Variants in PADI1 observed in about 807,000 individuals in gnomAD.
PADI1 encodes protein-arginine deiminase type-1.
PADI1 carries 65 observed loss-of-function variants against 74.8 expected under a neutral mutation model. The observed-to-expected ratio is 0.87, with a 90% CI of 0.71 to 1.07. The LOEUF (loss-of-function observed/expected upper bound fraction) is 1.07, where lower values mean the gene tolerates loss of function less well. Among genes scored for constraint, PADI1 ranks in the 50% least tolerant of loss-of-function variants. The pLI is 0.00. For synonymous variants in PADI1, 371 were observed against 336.2 expected (o/e 1.10, Z -1.13); for missense variants, 943 against 854.0 (o/e 1.10, Z -1.30).
chr1:17,217,101 G>A (rs72646742), intron 1 of PADI1, among the ~76,000 whole-genome samples: 2,833 of 152,048 alleles, frequency 0.019, 34 homozygotes, highest in South Asian at 0.036. Context: ...AGCCAGGTGC[G>A]CTGGGGCCAG....
At chr1:17,232,663 G>A (rs1358294655) in intron 10 of PADI1, among the ~76,000 whole-genome samples, 156 bp from the exon 11 acceptor site, 2 of 152,282 alleles carry the variant, frequency 1.3e-5, no homozygotes, top group Middle Eastern at 3.4e-3. Flanking sequence ...AGAGCCCAGG[G>A]GGGATTTGTA....
rs976854459 is a variant in PADI1, at chr1:17,230,285, C to T, written c.1053+77C>T. 7 of 1,538,050 alleles carry T rather than the reference C, an allele frequency of 4.6e-6. No individual in the cohort carries two copies. The African/African-American group carries it at 9.6e-5, about 21-fold the overall frequency. ...AAGCCGCACAGGTGCCTGATGGACC[C>T]AGTGTCGCTAGAGAAGCCACGGCAG... On this transcript the variant is annotated intron_variant, in intron 9 of 15. Transcript: ENST00000375471.
chr1:17,211,950 A>G (rs1035897265), intron 1 of PADI1, among the ~76,000 whole-genome samples: 2 of 152,198 alleles, frequency 1.3e-5, no homozygotes, highest in Non-Finnish European at 2.9e-5. Context: ...AAAGCCAAGG[A>G]TGATTTGTCT....
At chr1:17,208,665 ACCC>A (rs1166861588) in intron 1 of PADI1, among the ~76,000 whole-genome samples, 1 of 133,378 alleles carries the variant, frequency 7.5e-6, no homozygotes, top group Non-Finnish European at 1.6e-5. Context: ...CACCACACTG[ACCC>A]CCACACCCCA....
chr1:17,222,061 C>A (rs1352932423), intron 1 of PADI1, among the ~76,000 whole-genome samples: 1 of 152,152 alleles, frequency 6.6e-6, no homozygotes, highest in African/African-American at 2.4e-5. Context: ...TTGGAAGTGT[C>A]AGATCTGGAA....
At chr1:17,215,513 A>G (rs1308022736) in intron 1 of PADI1, among the ~76,000 whole-genome samples, 1 of 152,074 alleles carries the variant, frequency 6.6e-6, no homozygotes, top group Non-Finnish European at 1.5e-5. Context: ...GCTTCCCTTG[A>G]AAGGGCTGTG....
chr1:17,222,480 C>A lies in PADI1; in HGVS notation c.273+10C>A. On this transcript the variant is annotated intron_variant, in intron 2 of 15. Coordinates refer to ENST00000375471, the MANE Select transcript of PADI1 (RefSeq NM_013358.3). ...ATTAAAGGACTTCAAGGTAAGAGGC[C>A]ACTTTCTCATAGAAAAGGGTTGGAT... 1 of 1,604,914 alleles carries A rather than the reference C, an allele frequency of 6.2e-7. No individual in the cohort carries two copies. Among genetic ancestry groups the A allele is most frequent in the Non-Finnish European group, 8.5e-7 (1 of 1,171,766 alleles).
intron 1 of PADI1, among the ~76,000 whole-genome samples, chr1:17,211,315 T>A (rs1004708052): frequency 1.5e-4 from 23 of 152,190 alleles, no homozygotes; most frequent in Non-Finnish European, 2.8e-4. Context: ...GTTGAAGCAA[T>A]TCCTCTCCCT....
chr1:17,225,054 A>G (rs2072269751), intron 4 of PADI1, among the ~76,000 whole-genome samples: 1 of 152,080 alleles, frequency 6.6e-6, no homozygotes, highest in African/African-American at 2.4e-5. Context: ...CATGGTGGCA[A>G]CTATGATACA....
At chr1:17,221,948 G>A (rs2072163281) in intron 1 of PADI1, among the ~76,000 whole-genome samples, 1 of 152,378 alleles carries the variant, frequency 6.6e-6, no homozygotes, top group African/African-American at 2.4e-5. Context: ...TGAGAAAGCT[G>A]CTCGGTGATC....
chr1:17,223,589 TG>T, intron 2 of PADI1, 31 bp from the exon 3 acceptor site: 1 of 1,578,050 alleles, frequency 6.3e-7, no homozygotes, highest in Non-Finnish European at 8.7e-7. Flanking sequence ...CTGAAGGTGA[TG>T]GCCGTGCAGG....
Position 17,244,016 on chromosome 1 carries a change from A to G in PADI1, c.1765A>G (p.Met589Val), listed in dbSNP as rs763183666. ...AEAFFPDMVN[M>V]VVLGKYLGIP... is the part of the protein sequence containing the mutation. ...TGCCTTTTCTCTTTTGCAGGTTAAC[A>G]TGGTGGTCTTAGGCAAGTACCTGGG... The change falls in exon 16 of 16, where the codon ATG (methionine) becomes GTG (valine). Residue 589 changes from methionine (M) to valine (V), a missense_variant. Coordinates refer to ENST00000375471, the MANE Select transcript of PADI1 (RefSeq NM_013358.3). 2 of 1,612,350 alleles carry G rather than the reference A, an allele frequency of 1.2e-6. No individual in the cohort carries two copies. Among genetic ancestry groups the G allele is most frequent in the Non-Finnish European group, 1.7e-6 (2 of 1,178,522 alleles).
chr1:17,208,178 G>C (rs2071730521), intron 1 of PADI1, among the ~76,000 whole-genome samples: 1 of 152,212 alleles, frequency 6.6e-6, no homozygotes, highest in African/African-American at 2.4e-5. Flanking sequence ...CCAGTCACCT[G>C]AGCTGCTGGG....
intron 1 of PADI1, among the ~76,000 whole-genome samples, chr1:17,207,054 G>T (rs376258148): frequency 1.3e-5 from 2 of 152,012 alleles, no homozygotes; most frequent in Non-Finnish European, 2.9e-5. Flanking sequence ...GTAGGAAAAG[G>T]GTCCCTTGCA....
At chr1:17,223,487 G>C (rs1289825243) in intron 2 of PADI1, 134 bp from the exon 3 acceptor site, 2 of 697,776 alleles carry the variant, frequency 2.9e-6, no homozygotes, top group East Asian at 2.7e-5. Context: ...TTGAGTCTTG[G>C]GACTTCAGAG....
intron 14 of PADI1, 92 bp downstream of exon 14, chr1:17,239,875 C>T (rs1171753420): frequency 5.0e-6 from 5 of 1,003,536 alleles, no homozygotes; most frequent in East Asian, 2.6e-5. Context: ...AGATTCAGCG[C>T]TGGAGCTCTC....
At chr1:17,228,271 C>T (rs1320935895) in intron 6 of PADI1, among the ~76,000 whole-genome samples, 14 of 152,194 alleles carry the variant, frequency 9.2e-5, no homozygotes, top group Non-Finnish European at 2.9e-5. Context: ...AGCCACCATA[C>T]CTGTCTGGTC....
At position 17,244,511 on chromosome 1, in the gene PADI1, G is replaced by C; in HGVS notation, c.*268G>C. The C allele has an allele frequency of 1.8e-6, 1 of 559,588 alleles. No homozygotes were observed. Among genetic ancestry groups the C allele is most frequent in the Non-Finnish European group, 3.4e-6 (1 of 293,882 alleles). 34.7% of individuals were successfully genotyped at this position (559,588 alleles called of 1,614,324 possible). A position where few individuals can be genotyped will look rare whatever the true frequency, so the allele number is the denominator to read the frequency against. The stretch of plus-strand genomic sequence containing the variant: ...CAGAGGCTCTAGATCAACAATGTTA[G>C]CATGTTCCAGAATGGCTGTGGGAGG... On this transcript the variant is annotated 3_prime_UTR_variant, in exon 16 of 16. Transcript: ENST00000375471.
chr1:17,206,927 C>T (rs2071700965), intron 1 of PADI1, among the ~76,000 whole-genome samples: 1 of 152,188 alleles, frequency 6.6e-6, no homozygotes, highest in African/African-American at 2.4e-5. Context: ...GTGATCAACC[C>T]ACCTCGGCCT....
Sources: gnomAD v4.1 joint callset for allele counts (sites outside exome capture counted in the v4.1 genomes callset) on GRCh38, gnomAD v4.1.1 for gene constraint, MANE v1.5 for transcripts, NCBI Gene and HGNC (gene_info 2026-07-23, HGNC 2026-07-21) for gene names.